Variants in SPTBN1 observed in about 807,000 individuals in gnomAD.
The protein encoded by SPTBN1 is spectrin beta, non-erythrocytic 1.
Under a neutral mutation model 266.4 loss-of-function variants are expected in SPTBN1, and 32 were observed. That is an observed-to-expected ratio of 0.12 (90% CI 0.09 to 0.16). The LOEUF is 0.16. Among genes scored for constraint, SPTBN1 ranks in the 10% least tolerant of loss-of-function variants. The probability of loss-of-function intolerance (pLI) is 1.00; values close to 1 mark genes in which losing one functional copy is unlikely to be tolerated. For missense variants in SPTBN1, 2,296 were observed against 3,067.1 expected, an observed-to-expected ratio of 0.75 and a Z score of 5.94; for synonymous variants, 1,336 against 1,162.2, an observed-to-expected ratio of 1.15 and a Z score of -3.04.
chr2:54,609,753 C>CAG (rs1677090697), intron 3 of SPTBN1, among the ~76,000 whole-genome samples: 1 of 152,172 alleles, frequency 6.6e-6, no homozygotes, highest in South Asian at 2.1e-4. Flanking sequence ...CAGCCTCTTA[C>CAG]TGGCAAGGTA....
At chr2:54,615,736 C>T (rs904430376) in intron 4 of SPTBN1, among the ~76,000 whole-genome samples, 1 of 152,184 alleles carries the variant, frequency 6.6e-6, no homozygotes, top group African/African-American at 2.4e-5. Flanking sequence ...CTTATGAAGG[C>T]ACACCATGGA....
intron 2 of SPTBN1, among the ~76,000 whole-genome samples, chr2:54,591,572 G>C (rs542866238): frequency 1.3e-5 from 2 of 152,086 alleles, no homozygotes; most frequent in Non-Finnish European, 2.9e-5. Context: ...CAGTCTTTAG[G>C]GGAACAATGA....
chr2:54,493,717 C>T (rs944433443), intron 1 of SPTBN1, among the ~76,000 whole-genome samples: 3 of 152,140 alleles, frequency 2.0e-5, no homozygotes, highest in Middle Eastern at 3.2e-3. Flanking sequence ...TTTATGTGTT[C>T]TGAATTTAGG....
chr2:54,544,251 T>G (rs1280620647), intron 2 of SPTBN1, among the ~76,000 whole-genome samples: 1 of 152,220 alleles, frequency 6.6e-6, no homozygotes, highest in Non-Finnish European at 1.5e-5. Flanking sequence ...AAGCTTCTGA[T>G]GCCTATCTTT....
intron 2 of SPTBN1, among the ~76,000 whole-genome samples, chr2:54,588,772 G>A (rs905334216): frequency 2.0e-5 from 3 of 152,186 alleles, no homozygotes; most frequent in Admixed American, 2.0e-4. Flanking sequence ...TCCTGTATGT[G>A]AAAGCAGTTT....
chr2:54,490,259 A>G (rs1668616511), intron 1 of SPTBN1, among the ~76,000 whole-genome samples: 1 of 152,018 alleles, frequency 6.6e-6, no homozygotes, highest in Non-Finnish European at 1.5e-5. Flanking sequence ...TTTAGTAGAG[A>G]CAGGGTTTCA....
chr2:54,491,893 C>G (rs1293826655), intron 1 of SPTBN1, among the ~76,000 whole-genome samples: 1 of 152,158 alleles, frequency 6.6e-6, no homozygotes, highest in Non-Finnish European at 1.5e-5. Flanking sequence ...GCCACTGCAC[C>G]CAGTTTGTTT....
At chr2:54,636,060 A>G (rs1381316422) in intron 17 of SPTBN1, among the ~76,000 whole-genome samples, 1 of 152,218 alleles carries the variant, frequency 6.6e-6, no homozygotes. Context: ...TCAAGGGGAA[A>G]ACTACTGCCC....
chr2:54,485,930 G>C (rs1668351922), intron 1 of SPTBN1, among the ~76,000 whole-genome samples: 1 of 150,400 alleles, frequency 6.6e-6, no homozygotes, highest in Non-Finnish European at 1.5e-5. Flanking sequence ...CCCCGTCTGA[G>C]AAGTGAGGAG....
chr2:54,589,512 TCAGACAGTTACTAG>T (rs1450614368), intron 2 of SPTBN1, among the ~76,000 whole-genome samples: 1 of 152,214 alleles, frequency 6.6e-6, no homozygotes, highest in Non-Finnish European at 1.5e-5. Context: ...AGTCGGCCCA[TCAGACAGTTACTAG>T]CAGACAATTG....
intron 2 of SPTBN1, among the ~76,000 whole-genome samples, chr2:54,548,655 C>G (rs1672388041): frequency 1.3e-5 from 2 of 152,232 alleles, no homozygotes; most frequent in South Asian, 4.1e-4. Flanking sequence ...GGCCTGCTTT[C>G]TAATCTCCAG....
At chr2:54,482,820 G>GGACA (rs1452273738) in intron 1 of SPTBN1, among the ~76,000 whole-genome samples, 1 of 152,178 alleles carries the variant, frequency 6.6e-6, no homozygotes, top group Non-Finnish European at 1.5e-5. Flanking sequence ...GACACAGGAA[G>GGACA]GACAGGCTTG....
chr2:54,655,835 T>C (rs1462712571), intron 28 of SPTBN1, 79 bp from the exon 29 acceptor site: 3 of 1,080,250 alleles, frequency 2.8e-6, no homozygotes, highest in Non-Finnish European at 4.1e-6. Flanking sequence ...AAAATGTATT[T>C]TTCTAGTATA....
intron 26 of SPTBN1, among the ~76,000 whole-genome samples, chr2:54,650,331 T>C (rs1680188431): frequency 1.3e-5 from 2 of 152,256 alleles, no homozygotes. Flanking sequence ...TTTACTATTT[T>C]TCATCAACCA....
At chr2:54,573,177 T>G (rs562618901) in intron 2 of SPTBN1, among the ~76,000 whole-genome samples, 4 of 152,334 alleles carry the variant, frequency 2.6e-5, no homozygotes, top group Admixed American at 6.5e-5. Context: ...GCTCCATGTT[T>G]CTGGAAGAGG....
Position 54,668,804 on chromosome 2 carries a change from A to G in SPTBN1, c.*235A>G. The G allele has an allele frequency of 2.0e-6, 1 of 497,860 alleles. No homozygotes were observed. Among genetic ancestry groups the G allele is most frequent in the Non-Finnish European group, 3.6e-6 (1 of 277,096 alleles). 30.8% of individuals were successfully genotyped at this position (497,860 alleles called of 1,614,324 possible). A position where few individuals can be genotyped will look rare whatever the true frequency, so the allele number is the denominator to read the frequency against. ...GAAGGCCAGATTTTTTTTTTAATGA[A>G]ATTATATAGATTAGATCTCAGTATT... On this transcript the variant is annotated 3_prime_UTR_variant, in exon 36 of 36. Transcript: ENST00000356805.
At chr2:54,529,141 G>A (rs1375353941) in intron 2 of SPTBN1, among the ~76,000 whole-genome samples, 1 of 152,196 alleles carries the variant, frequency 6.6e-6, no homozygotes, top group African/African-American at 2.4e-5. Flanking sequence ...CTTGAGTGGG[G>A]ATAATTTACA....
At chr2:54,636,193 C>T (rs190697757) in intron 17 of SPTBN1, among the ~76,000 whole-genome samples, 5 of 152,026 alleles carry the variant, frequency 3.3e-5, no homozygotes, top group African/African-American at 7.2e-5. Flanking sequence ...TATTTTTCTA[C>T]GTTTGCATTT....
intron 1 of SPTBN1, among the ~76,000 whole-genome samples, chr2:54,482,901 T>C (rs1668173015): frequency 6.6e-6 from 1 of 152,194 alleles, no homozygotes; most frequent in Non-Finnish European, 1.5e-5. Context: ...TTTTTCTCAA[T>C]GGTCTTTTGG....
Sources: gnomAD v4.1 joint callset for allele counts (sites outside exome capture counted in the v4.1 genomes callset) on GRCh38, gnomAD v4.1.1 for gene constraint, MANE v1.5 for transcripts, NCBI Gene and HGNC (gene_info 2026-07-23, HGNC 2026-07-21) for gene names.